The following PRKACA variants were observed in gnomAD, a reference collection of about 807,000 sequenced individuals.
The protein encoded by PRKACA is protein kinase cAMP-activated catalytic subunit alpha, also known as cAMP-dependent protein kinase catalytic subunit alpha.
In PRKACA, 9 loss-of-function variants were observed where a neutral mutation model predicts 45.8. That is an observed-to-expected ratio of 0.20 (90% CI 0.12 to 0.34). The LOEUF is 0.34. Among genes scored for constraint, PRKACA ranks in the 10% least tolerant of loss-of-function variants. The pLI is 1.00. For synonymous variants in PRKACA, 160 were observed against 178.6 expected, an observed-to-expected ratio of 0.90 and a Z score of 0.83; for missense variants, 238 against 458.6, an observed-to-expected ratio of 0.52 and a Z score of 4.39.
chr19:14,097,077 G>GGGTC lies in PRKACA; in HGVS notation c.765+280_765+283dup. The GGGTC allele has an allele frequency of 2.2e-6, 1 of 452,614 alleles. No homozygotes were observed. Among genetic ancestry groups the GGGTC allele is most frequent in the Non-Finnish European group, 4.1e-6 (1 of 244,032 alleles). 28.0% of individuals were successfully genotyped at this position (452,614 alleles called of 1,614,324 possible). ...TAACTGGGATGAGGAGCGAAAAGGAGGGTCGTCTGGCAGGGCGGTTTGTGT... is the reference window on the plus strand; with the variant it reads ...TAACTGGGATGAGGAGCGAAAAGGAGGGTCGGTCGTCTGGCAGGGCGGTTTGTGT... On this transcript the variant is annotated intron_variant, in intron 8 of 9. Transcript: ENST00000308677. This position sits in a 1 kb window ranked among gnomAD's most constrained non-coding sequence, Gnocchi z 5.4.
intron 3 of PRKACA, 34 bp downstream of exon 3, chr19:14,106,726 C>A: frequency 1.2e-6 from 2 of 1,613,158 alleles, no homozygotes; most frequent in Non-Finnish European, 1.7e-6. Flanking sequence ...AAAGGCCTGA[C>A]AGGCAGGCCC....
chr19:14,093,861 T>C (rs1204154902), intron 8 of PRKACA, 69 bp from the exon 9 acceptor site: 29 of 1,482,380 alleles, frequency 2.0e-5, no homozygotes, highest in Non-Finnish European at 2.6e-5. Flanking sequence ...GATGCTTCTT[T>C]CTCCATCCAA....
At chr19:14,113,162 C>G (rs957323158) in intron 1 of PRKACA, among the ~76,000 whole-genome samples, 3 of 152,034 alleles carry the variant, frequency 2.0e-5, no homozygotes, top group African/African-American at 7.3e-5. Flanking sequence ...CTTGGCTCTA[C>G]TCTCGGCCAT....
At chr19:14,115,560 C>T (rs2144498464) in intron 1 of PRKACA, among the ~76,000 whole-genome samples, 1 of 152,212 alleles carries the variant, frequency 6.6e-6, no homozygotes, top group South Asian at 2.1e-4. Flanking sequence ...TATCTCTATC[C>T]GCCTGGCCAT....
intron 1 of PRKACA, chr19:14,107,901 G>A (rs1568536180): frequency 7.1e-6 from 7 of 989,522 alleles, no homozygotes; most frequent in Admixed American, 5.8e-5. Flanking sequence ...CGTGGCAATC[G>A]CAAGGGCATT....
chr19:14,110,645 C>T (rs988665689), intron 1 of PRKACA, among the ~76,000 whole-genome samples: 3 of 152,158 alleles, frequency 2.0e-5, no homozygotes, highest in South Asian at 2.1e-4. Flanking sequence ...ATCTTAAATG[C>T]GCAGCCTGAC....
At chr19:14,096,255 A>C (rs1977254526) in intron 8 of PRKACA, 1 of 151,358 alleles carries the variant, frequency 6.6e-6, no homozygotes. Context: ...CATGTTAGTC[A>C]GGCTGGTCTC....
Position 14,097,704 on chromosome 19 carries a change from G to A in PRKACA, c.547-30C>T, listed in dbSNP as rs1345860889. 6.2e-7 allele frequency: 1 copy of A among 1,612,076 alleles called. No homozygotes were observed. Among genetic ancestry groups the A allele is most frequent in the South Asian group, 1.1e-5 (1 of 91,010 alleles). The stretch of plus-strand genomic sequence containing the variant: ...GGGCACAAGAACAGGCAGTTGGCAG[G>A]GAGGAAGGGTCCAGGCCACGGCTTC... On this transcript the variant is annotated intron_variant, in intron 6 of 9. Coordinates refer to ENST00000308677, the MANE Select transcript of PRKACA (RefSeq NM_002730.4). This position sits in a 1 kb window ranked among gnomAD's most constrained non-coding sequence, Gnocchi z 5.4.
At chr19:14,096,046 T>G (rs1346106514) in intron 8 of PRKACA, among the ~76,000 whole-genome samples, 5 of 146,600 alleles carry the variant, frequency 3.4e-5, no homozygotes, top group Non-Finnish European at 7.5e-5. Context: ...TTTTTTTTTT[T>G]TTTTTTTTTT....
intron 1 of PRKACA, among the ~76,000 whole-genome samples, chr19:14,113,168 G>C (rs910364324): frequency 5.9e-5 from 9 of 151,822 alleles, no homozygotes; most frequent in Admixed American, 2.6e-4. Flanking sequence ...TCTACTCTCG[G>C]CCATGAAAGT....
intron 1 of PRKACA, 89 bp from the exon 2 acceptor site, chr19:14,107,498 G>A: frequency 6.8e-7 from 1 of 1,468,578 alleles, no homozygotes; most frequent in Admixed American, 1.7e-5. Context: ...TTGGTGGAAA[G>A]TGGGGTGCAG....
At position 14,093,227 on chromosome 19, in the gene PRKACA, G is replaced by A; in HGVS notation, c.941C>T (p.Pro314Leu). ...IAIYQRKVEAPFIPKFKGPGD... is the reference protein window; with the variant it reads ...IAIYQRKVEALFIPKFKGPGD... ...AGGGCCTTTAAACTTTGGTATGAAG[G>A]GAGCTTCCACCTGGAGAGGGATCAA... The change falls in exon 10 of 10, where the codon CCC becomes CTC. Residue 314 changes from proline to leucine, a missense_variant. Physicochemically the swap from Pro to Leu is moderately conservative, Grantham distance 98 (BLOSUM62 -3). Coordinates refer to ENST00000308677, the MANE Select transcript of PRKACA (RefSeq NM_002730.4). The A allele has an allele frequency of 1.9e-6, 3 of 1,613,356 alleles. No homozygotes were observed. Among genetic ancestry groups the A allele is most frequent in the Non-Finnish European group, 2.5e-6 (3 of 1,179,742 alleles).
chr19:14,093,098 G>T lies in PRKACA; in HGVS notation c.*14C>A, dbSNP rs574054401. 1.4e-5 allele frequency: 22 copies of T among 1,580,424 alleles called. No individual in the cohort carries two copies. In the African/African-American group the frequency reaches 2.8e-4, roughly 20 times the overall value. ...AAAAGAAAAAAGAAAACCCATGGGG[G>T]CACAGGCATGCCCCTAAAACTCAGA... is the stretch of plus-strand genomic sequence containing the variant. On this transcript the variant is annotated 3_prime_UTR_variant, in exon 10 of 10. Transcript: ENST00000308677.
chr19:14,113,050 G>A (rs1967014435), intron 1 of PRKACA, among the ~76,000 whole-genome samples: 1 of 152,194 alleles, frequency 6.6e-6, no homozygotes, highest in Non-Finnish European at 1.5e-5. Context: ...TCCTGAGAGA[G>A]AAAATGGGTA....
chr19:14,104,290 T>A (rs1977535776), intron 3 of PRKACA, among the ~76,000 whole-genome samples: 1 of 128,192 alleles, frequency 7.8e-6, no homozygotes, highest in South Asian at 2.5e-4. Context: ...TGAGCTGAGA[T>A]CACACCACTG....
At chr19:14,117,318 G>A (rs1218799536) in intron 1 of PRKACA, among the ~76,000 whole-genome samples, 184 bp downstream of exon 1, 4 of 151,686 alleles carry the variant, frequency 2.6e-5, no homozygotes, top group African/African-American at 7.3e-5. Flanking sequence ...CTAGGGGAAG[G>A]GGACCCCTAC....
rs1422190148 is a variant in PRKACA, at chr19:14,092,331, AAGAGAGCGGAGGCTTC to A, written c.*765_*780del. The A allele has an allele frequency of 7.1e-6, 2 of 281,078 alleles. No homozygotes were observed. The highest frequency in any genetic ancestry group is 4.4e-5 in the African/African-American group (2 of 45,942). The allele number at this position is 281,078 out of a possible 1,614,324, so 17.4% of individuals were successfully genotyped here. On this transcript the variant is annotated 3_prime_UTR_variant, in exon 10 of 10. Coordinates refer to ENST00000308677, the MANE Select transcript of PRKACA (RefSeq NM_002730.4). ...GGTGAAGACAGGTCTGTTGGGGAAA[AAGAGAGCGGAGGCTTC>A]CTAAAGGGGCCTAGACCCTCGCAGG...
rs1349121575 is a variant in PRKACA at position 14,117,532 on chromosome 19, C to T, written c.16G>A (p.Ala6Thr). The change falls in exon 1 of 10, where the codon GCC becomes ACC. Residue 6 changes from alanine (A) to threonine (T), a missense_variant. Physicochemically the swap from Ala to Thr is moderately conservative, Grantham distance 58. This residue lies in a region of PRKACA where 93 missense variants were observed against 149.1 expected (regional missense o/e 0.62). Transcript: ENST00000308677. ...TCCTGCTCGCTGCCCTTCTTGGCGG[C>T]GGCGGCGTTGCCCATCGCGGCGGCG... The part of the protein sequence containing the change: MGNAA[A>T]AKKGSEQESV... The T allele has an allele frequency of 5.7e-6, 7 of 1,223,862 alleles. No homozygotes were observed. The African/African-American group carries it at 9.4e-5, about 16-fold the overall frequency. The allele number at this position is 1,223,862 out of a possible 1,614,324, so 75.8% of individuals were successfully genotyped here. A position where few individuals can be genotyped will look rare whatever the true frequency, so the allele number is the denominator to read the frequency against.
intron 3 of PRKACA, among the ~76,000 whole-genome samples, chr19:14,105,293 C>T (rs1288942118): frequency 1.3e-5 from 2 of 151,984 alleles, no homozygotes; most frequent in Admixed American, 6.6e-5. Flanking sequence ...GGGCGGATTA[C>T]CTGAGGTCAG....
Sources: gnomAD v4.1 joint callset for allele counts (sites outside exome capture counted in the v4.1 genomes callset) on GRCh38, gnomAD v4.1.1 for gene constraint, gnomAD v4.1.1 regional missense constraint, Gnocchi (gnomAD v3.1) non-coding constraint, MANE v1.5 for transcripts, NCBI Gene and HGNC (gene_info 2026-07-23, HGNC 2026-07-21) for gene names.